The following PSPC1 variants were observed in gnomAD, a reference collection of about 807,000 sequenced individuals.
PSPC1 encodes the protein paraspeckle protein 1.
PSPC1 carries 14 observed loss-of-function variants against 51.6 expected under a neutral mutation model. The ratio of observed to expected loss-of-function variants is 0.27; its 90% CI spans 0.18 to 0.42. The LOEUF (loss-of-function observed/expected upper bound fraction) is 0.42, where lower values mean the gene tolerates loss of function less well. Among genes scored for constraint, PSPC1 ranks in the 10% least tolerant of loss-of-function variants. The pLI, the probability that PSPC1 is intolerant of heterozygous loss-of-function variation, is 1.00. For synonymous variants in PSPC1, 193 were observed against 231.9 expected (o/e 0.83, Z 1.53); for missense variants, 406 against 701.1 (o/e 0.58, Z 4.75).
intron 6 of PSPC1, among the ~76,000 whole-genome samples, chr13:19,723,116 C>A (rs4310715): frequency 0.92 from 139,381 of 152,204 alleles, 65,039 homozygotes; most frequent in Non-Finnish European, 1. Context: ...CTCCTTAAAA[C>A]CAATTTTTAA....
At chr13:19,757,518 A>G (rs1211772024) in intron 3 of PSPC1, among the ~76,000 whole-genome samples, 1 of 152,216 alleles carries the variant, frequency 6.6e-6, no homozygotes, top group Admixed American at 6.5e-5. Context: ...AAGTGGAGAG[A>G]TGAGGCAGGA....
intron 6 of PSPC1, among the ~76,000 whole-genome samples, chr13:19,683,933 A>G (rs887293137): frequency 3.3e-5 from 5 of 152,206 alleles, no homozygotes; most frequent in African/African-American, 9.7e-5. Flanking sequence ...ATAAAGTACA[A>G]TATGATGACT....
chr13:19,703,944 A>C (rs180945877), intron 8 of PSPC1, among the ~76,000 whole-genome samples: 2 of 152,346 alleles, frequency 1.3e-5, no homozygotes, highest in Admixed American at 6.5e-5. Context: ...TTAATGTAAT[A>C]ACATGCACTA....
At chr13:19,691,993 T>A (rs1165330336) in intron 6 of PSPC1, among the ~76,000 whole-genome samples, 4 of 151,984 alleles carry the variant, frequency 2.6e-5, no homozygotes, top group Non-Finnish European at 4.4e-5. Context: ...CGGGGAGGGA[T>A]GGAGGTAGAT....
At chr13:19,733,238 G>A (rs146799325) in intron 5 of PSPC1, among the ~76,000 whole-genome samples, 1 of 152,198 alleles carries the variant, frequency 6.6e-6, no homozygotes, top group African/African-American at 2.4e-5. Context: ...TGTTACAGAG[G>A]TGGATTACTA....
At chr13:19,672,166 C>T (rs867764218), downstream of PSPC1, 4 of 310,890 alleles carry the variant, frequency 1.3e-5, no homozygotes, top group Non-Finnish European at 2.4e-5. Context: ...TTTCTGGAGA[C>T]GGAGTTTCGC....
At chr13:19,721,359 C>A (rs1882744411) in intron 6 of PSPC1, among the ~76,000 whole-genome samples, 1 of 152,018 alleles carries the variant, frequency 6.6e-6, no homozygotes, top group African/African-American at 2.4e-5. Flanking sequence ...GTCTATTTGC[C>A]GGTCTTGACT....
At chr13:19,679,951 G>A (rs1369327714) in intron 6 of PSPC1, among the ~76,000 whole-genome samples, 1 of 152,038 alleles carries the variant, frequency 6.6e-6, no homozygotes, top group Non-Finnish European at 1.5e-5. Context: ...CTAAAACCTA[G>A]AAAAGTAATT....
intron 6 of PSPC1, among the ~76,000 whole-genome samples, chr13:19,722,910 G>C (rs1430038541): frequency 6.6e-6 from 1 of 152,154 alleles, no homozygotes; most frequent in Admixed American, 6.5e-5. Flanking sequence ...AAGAGTTCAA[G>C]AGCAGCCTGG....
At chr13:19,705,949 T>C (rs544828028) in intron 7 of PSPC1, 118 bp from the exon 8 acceptor site, 7 of 826,340 alleles carry the variant, frequency 8.5e-6, no homozygotes, top group South Asian at 6.3e-5. Context: ...TTTCGCTCCT[T>C]AAGAATGCGA....
intron 7 of PSPC1, chr13:19,675,443 G>C (rs1876533504): frequency 6.6e-6 from 1 of 152,096 alleles, no homozygotes; most frequent in African/African-American, 2.4e-5. Flanking sequence ...TCAATGCAAA[G>C]GAAAACTGCA....
intron 2 of PSPC1, among the ~76,000 whole-genome samples, chr13:19,769,532 G>T (rs1340623500): frequency 1.3e-5 from 2 of 149,784 alleles, no homozygotes; most frequent in Non-Finnish European, 3.0e-5. Flanking sequence ...CGGCCTGGGG[G>T]ACAGAGCGAG....
rs185677466 is a variant in PSPC1 at position 19,718,209 on chromosome 13, C to T, written c.1159-8610G>A. Among the ~76,000 whole-genome samples the T allele has an allele frequency of 4.6e-3, 701 of 152,146 alleles. 6 individuals carry two copies. Among genetic ancestry groups the T allele is most frequent in the South Asian group, 0.027 (129 of 4,822 alleles). On this transcript the variant is annotated intron_variant, in intron 6 of 8. Transcript: ENST00000338910. ...ACAACAATTTCCAATATATGTTATT[C>T]GCTGCTAGTTAGTGAGGGGTAGTTT...
chr13:19,697,531 T>A (rs1879405085), downstream of PSPC1, among the ~76,000 whole-genome samples: 1 of 152,172 alleles, frequency 6.6e-6, no homozygotes, highest in Non-Finnish European at 1.5e-5. Flanking sequence ...AAAGTTTTTG[T>A]AGACAATTAC....
chr13:19,724,631 G>A (rs1344049871), intron 6 of PSPC1, among the ~76,000 whole-genome samples: 1 of 152,112 alleles, frequency 6.6e-6, no homozygotes, highest in Non-Finnish European at 1.5e-5. Context: ...AAGGTGGGCG[G>A]GTCACGAGGT....
chr13:19,681,851 A>G (rs1021643275), intron 6 of PSPC1, among the ~76,000 whole-genome samples: 1 of 152,264 alleles, frequency 6.6e-6, no homozygotes, highest in Non-Finnish European at 1.5e-5. Flanking sequence ...ACTAAATGCT[A>G]TTACAAGCAA....
chr13:19,713,590 A>G (rs1881723689), intron 6 of PSPC1, among the ~76,000 whole-genome samples: 1 of 151,968 alleles, frequency 6.6e-6, no homozygotes, highest in Non-Finnish European at 1.5e-5. Flanking sequence ...GAAGCCTAAC[A>G]AAAGGCAAGA....
At position 19,782,641 on chromosome 13, in the gene PSPC1, G is replaced by T. The variant is rs1232224516; in HGVS notation, c.117C>A (p.Leu39=). ...SEPAAAAAMA[L]ALAGEPAPPA... ...GCGGTGCCGGCTCCCCGGCAAGAGC[G>T]AGCGCCATGGCTGCCGCGGCCGCCG... is the stretch of plus-strand genomic sequence containing the variant. The change falls in exon 1 of 9, where the codon CTC becomes CTA. Residue 39 remains leucine (L), a synonymous_variant. Coordinates refer to ENST00000338910, the MANE Select transcript of PSPC1 (RefSeq NM_001354909.2). The surrounding 1 kb of genome is among the most constrained non-coding windows in gnomAD (Gnocchi z 4.5). 2 of 1,565,154 alleles carry T rather than the reference G, an allele frequency of 1.3e-6. No individual in the cohort carries two copies. Among genetic ancestry groups the T allele is most frequent in the African/African-American group, 2.8e-5 (2 of 70,270 alleles).
At chr13:19,744,808 C>A (rs1885791491) in intron 4 of PSPC1, among the ~76,000 whole-genome samples, 1 of 152,100 alleles carries the variant, frequency 6.6e-6, no homozygotes, top group African/African-American at 2.4e-5. Context: ...TGTGATCCAC[C>A]CGCCTTGGCC....
Sources: gnomAD v4.1 joint callset for allele counts (sites outside exome capture counted in the v4.1 genomes callset) on GRCh38, gnomAD v4.1.1 for gene constraint, Gnocchi (gnomAD v3.1) non-coding constraint, MANE v1.5 for transcripts, NCBI Gene and HGNC (gene_info 2026-07-23, HGNC 2026-07-21) for gene names.